The following NXPE3 variants were observed in gnomAD, a reference collection of about 807,000 sequenced individuals.
NXPE3 encodes the protein neurexophilin and PC-esterase domain family member 3, also known as NXPE family member 3.
Under a neutral mutation model 46.1 loss-of-function variants are expected in NXPE3, and 26 were observed. The ratio of observed to expected loss-of-function variants is 0.56; its 90% CI spans 0.41 to 0.78. The LOEUF (loss-of-function observed/expected upper bound fraction) is 0.78, where lower values mean the gene tolerates loss of function less well. Among genes scored for constraint, NXPE3 ranks in the 30% least tolerant of loss-of-function variants. NXPE3 has a pLI of 0.00. For missense variants in NXPE3, 620 were observed against 686.0 expected (o/e 0.90, Z 1.07); for synonymous variants, 272 against 257.9 (o/e 1.05, Z -0.52).
At chr3:101,791,995 A>G (rs540122075) in intron 4 of NXPE3, among the ~76,000 whole-genome samples, 42 of 152,180 alleles carry the variant, frequency 2.8e-4, no homozygotes, top group African/African-American at 9.6e-4. Context: ...GACTGGTGTG[A>G]GATCTCACTG....
chr3:101,784,093 G>C (rs1939996457), intron 3 of NXPE3, among the ~76,000 whole-genome samples: 1 of 152,158 alleles, frequency 6.6e-6, no homozygotes, highest in African/African-American at 2.4e-5. Flanking sequence ...TATAGCGTAG[G>C]CCTCCATAAT....
intron 5 of NXPE3, among the ~76,000 whole-genome samples, chr3:101,805,950 C>T (rs1245708479): frequency 6.6e-6 from 1 of 151,890 alleles, no homozygotes; most frequent in Non-Finnish European, 1.5e-5. Context: ...CCATAAAAGT[C>T]TAAACTCATG....
rs1384276171 is a variant in NXPE3, at chr3:101,793,574, A to AT, written c.94-7659dup. ...TTTTTATTTGTCCCACCTCTTCTCT[A>AT]TTCCCCTTTTTCCTTTTTTTCTGCC... On this transcript the variant is annotated intron_variant, in intron 4 of 7. Coordinates refer to ENST00000273347, the MANE Select transcript of NXPE3 (RefSeq NM_145037.4). Among the ~76,000 whole-genome samples, 19 of 59,692 alleles carry AT rather than the reference A, an allele frequency of 3.2e-4. No individual in the cohort carries two copies. The East Asian group carries it at 8.7e-3, about 27-fold the overall frequency. The allele number at this position is 59,692 out of a possible 152,430, so 39.2% of individuals were successfully genotyped here.
chr3:101,821,770 A>C lies in NXPE3; in HGVS notation c.1496A>C (p.Asp499Ala). Residue 499 changes from aspartate (D) to alanine (A), a missense_variant, in exon 8 of 8, where the codon GAC becomes GCC. Asp to Ala is a moderately radical substitution (Grantham distance 126). Around this residue, in one of 3 missense-constraint regions of NXPE3, gnomAD observed 75 missense variants for 121.1 expected, o/e 0.62. Transcript: ENST00000273347. ...CCTGAGGTGAGCCTTTTCAACAGCG[A>C]CTGGTACAACTTTCAGCTGGACACC... ...LGPEVSLFNS[D>A]WYNFQLDTIL... The C allele has an allele frequency of 6.2e-7, 1 of 1,614,208 alleles. No individual in the cohort carries two copies. The highest frequency in any genetic ancestry group is 8.5e-7 in the Non-Finnish European group (1 of 1,180,018).
chr3:101,811,599 G>A (rs1429315656), intron 6 of NXPE3, among the ~76,000 whole-genome samples: 1 of 152,114 alleles, frequency 6.6e-6, no homozygotes, highest in East Asian at 1.9e-4. Flanking sequence ...TCAAGAGTTG[G>A]AAATGTGGAG....
chr3:101,820,089 G>T (rs1942180622), intron 7 of NXPE3, among the ~76,000 whole-genome samples: 1 of 152,158 alleles, frequency 6.6e-6, no homozygotes, highest in Non-Finnish European at 1.5e-5. Context: ...TTTCCCCAAA[G>T]AAGTATTTGG....
At chr3:101,817,607 G>A (rs1942029570) in intron 7 of NXPE3, among the ~76,000 whole-genome samples, 1 of 152,110 alleles carries the variant, frequency 6.6e-6, no homozygotes, top group African/African-American at 2.4e-5. Flanking sequence ...CTCTGGGGCT[G>A]TTCTCCAGAC....
In NXPE3 at chr3:101,821,873, G is replaced by A. The variant is rs139546142; in HGVS notation, c.1599G>A (p.Pro533=). ...AGATGACCCTGGCCCATTATCTACC[G>A]CACAAGCTGCATCCAGATGAAGTTA... ...AWEMTLAHYL[P]HKLHPDEVIV... is the part of the protein sequence containing the mutation. The change falls in exon 8 of 8, where the codon CCG becomes CCA. Residue 533 remains proline, a synonymous_variant. Coordinates refer to ENST00000273347, the MANE Select transcript of NXPE3 (RefSeq NM_145037.4). 50 of 1,614,010 alleles carry A rather than the reference G, an allele frequency of 3.1e-5. No individual in the cohort carries two copies. Among genetic ancestry groups the A allele is most frequent in the African/African-American group, 2.7e-4 (20 of 74,890 alleles).
intron 6 of NXPE3, among the ~76,000 whole-genome samples, chr3:101,815,177 T>C (rs1195760340): frequency 6.6e-6 from 1 of 152,234 alleles, no homozygotes; most frequent in African/African-American, 2.4e-5. Flanking sequence ...GCTTGTGTTA[T>C]CAAGTGTAAC....
chr3:101,805,146 T>C (rs1250701689), intron 5 of NXPE3, among the ~76,000 whole-genome samples: 2 of 152,178 alleles, frequency 1.3e-5, no homozygotes, highest in South Asian at 2.1e-4. Context: ...TCCATAAATA[T>C]GCCTCTCCTA....
intron 6 of NXPE3, among the ~76,000 whole-genome samples, chr3:101,814,456 C>T (rs1941874197): frequency 6.6e-6 from 1 of 152,110 alleles, no homozygotes; most frequent in South Asian, 2.1e-4. Context: ...GGCTCTGAAC[C>T]TGCAAAGAAT....
chr3:101,789,545 C>G (rs547379976), intron 4 of NXPE3, among the ~76,000 whole-genome samples: 19 of 151,840 alleles, frequency 1.3e-4, no homozygotes, highest in African/African-American at 4.6e-4. Flanking sequence ...GACCCTGTCT[C>G]TAAAAAAATA....
chr3:101,822,174 CTCTT>C lies in NXPE3; in HGVS notation c.*221_*224del. 3 of 541,326 alleles carry C rather than the reference CTCTT, an allele frequency of 5.5e-6. No individual in the cohort carries two copies. The highest frequency in any genetic ancestry group is 2.6e-5 in the South Asian group (1 of 38,124). The allele number at this position is 541,326 out of a possible 1,614,324, so 33.5% of individuals were successfully genotyped here. ...CAATGTTGACTTAGCCATGGTAGAA[CTCTT>C]AACTGCATCTACACACTATATTGCT... On this transcript the variant is annotated 3_prime_UTR_variant, in exon 8 of 8. Transcript: ENST00000273347.
chr3:101,822,057 T>A lies in NXPE3; in HGVS notation c.*103T>A. 2.9e-6 allele frequency: 3 copies of A among 1,033,282 alleles called. No individual in the cohort carries two copies. The highest frequency in any genetic ancestry group is 4.2e-6 in the Non-Finnish European group (3 of 707,204). 64.0% of individuals were successfully genotyped at this position (1,033,282 alleles called of 1,614,324 possible). A position where few individuals can be genotyped will look rare whatever the true frequency, so the allele number is the denominator to read the frequency against. ...GAGAGATGACTGCCCTTAATAAGTA[T>A]AAAATTTCAAAAAGATCTGGACTTA... On this transcript the variant is annotated 3_prime_UTR_variant, in exon 8 of 8. Transcript: ENST00000273347.
At chr3:101,806,953 G>C (rs944394635) in intron 5 of NXPE3, 100 bp from the exon 6 acceptor site, 2 of 805,532 alleles carry the variant, frequency 2.5e-6, no homozygotes, top group Admixed American at 2.1e-5. Flanking sequence ...TCATAATAAG[G>C]CTCCGTGAAA....
intron 6 of NXPE3, among the ~76,000 whole-genome samples, chr3:101,815,540 G>T (rs1297291660): frequency 6.6e-6 from 1 of 152,174 alleles, no homozygotes; most frequent in African/African-American, 2.4e-5. Flanking sequence ...CTTTGGTTTT[G>T]TCTTCCTTTA....
intron 4 of NXPE3, among the ~76,000 whole-genome samples, chr3:101,786,130 G>T (rs969902177): frequency 7.2e-5 from 11 of 152,256 alleles, no homozygotes; most frequent in African/African-American, 2.6e-4. Context: ...AGATGAGTCT[G>T]TGTTGGAGAT....
intron 6 of NXPE3, among the ~76,000 whole-genome samples, chr3:101,812,206 T>G (rs1941742480): frequency 6.6e-6 from 1 of 152,230 alleles, no homozygotes; most frequent in Non-Finnish European, 1.5e-5. Flanking sequence ...CAAAGCTATT[T>G]TATTTTTAAA....
chr3:101,781,500 A>T (rs1456339893), intron 1 of NXPE3, among the ~76,000 whole-genome samples: 1 of 152,248 alleles, frequency 6.6e-6, no homozygotes, highest in Admixed American at 6.5e-5. Flanking sequence ...GCCATAAAGA[A>T]GTTAGATTGG....
Sources: gnomAD v4.1 joint callset for allele counts (sites outside exome capture counted in the v4.1 genomes callset) on GRCh38, gnomAD v4.1.1 for gene constraint, gnomAD v4.1.1 regional missense constraint, MANE v1.5 for transcripts, NCBI Gene and HGNC (gene_info 2026-07-23, HGNC 2026-07-21) for gene names.